Variants in XXYLT1 observed in about 807,000 individuals in gnomAD.
XXYLT1 encodes the protein xyloside xylosyltransferase 1.
A neutral mutation model predicts 28.9 loss-of-function variants in XXYLT1; 20 were observed. That is an observed-to-expected ratio of 0.69 (90% CI 0.49 to 1.00). The LOEUF is 1.00. Among genes scored for constraint, XXYLT1 ranks in the 50% least tolerant of loss-of-function variants. The pLI, the probability that XXYLT1 is intolerant of heterozygous loss-of-function variation, is 0.00. For missense variants in XXYLT1, 542 were observed against 560.1 expected (o/e 0.97, Z 0.33); for synonymous variants, 257 against 253.8 (o/e 1.01, Z -0.12).
intron 3 of XXYLT1, among the ~76,000 whole-genome samples, chr3:195,082,977 T>TA (rs1715521460): frequency 6.6e-6 from 1 of 152,172 alleles, no homozygotes; most frequent in Non-Finnish European, 1.5e-5. Flanking sequence ...GAGATAAAGT[T>TA]GCAAACTTAA....
chr3:195,156,353 A>T, intron 3 of XXYLT1, 96 bp downstream of exon 3: 1 of 1,540,724 alleles, frequency 6.5e-7, no homozygotes, highest in Non-Finnish European at 8.7e-7. Context: ...GAAGGATCGG[A>T]CGCCACTAAA....
chr3:195,218,114 T>C (rs1723655453), intron 2 of XXYLT1, among the ~76,000 whole-genome samples: 2 of 148,526 alleles, frequency 1.3e-5, no homozygotes, highest in African/African-American at 5.2e-5. Context: ...TAGCCATATG[T>C]AGAAAGCTGA....
At chr3:195,159,131 T>TGAGGAAGAATGAGAAA (rs1720746214) in intron 2 of XXYLT1, among the ~76,000 whole-genome samples, 1 of 151,982 alleles carries the variant, frequency 6.6e-6, no homozygotes, top group Admixed American at 6.6e-5. Context: ...CTAAGAATCA[T>TGAGGAAGAATGAGAAA]GAGGAAGAAT....
At chr3:195,236,377 C>T (rs1475580556) in intron 1 of XXYLT1, among the ~76,000 whole-genome samples, 4 of 152,126 alleles carry the variant, frequency 2.6e-5, no homozygotes, top group Non-Finnish European at 4.4e-5. Flanking sequence ...TGTCCAGTAC[C>T]ACCACAGGCC....
chr3:195,110,457 GTGGTGTGTGGGTGAGGTGTGT>G, intron 3 of XXYLT1, among the ~76,000 whole-genome samples: 1 of 144,658 alleles, frequency 6.9e-6, no homozygotes, highest in African/African-American at 2.6e-5. Flanking sequence ...TAAAGTGTGT[GTGGTGTGTGGGTGAGGTGTGT>G]GTGTATGTGG....
At chr3:195,108,843 C>A (rs904003340) in intron 3 of XXYLT1, among the ~76,000 whole-genome samples, 5 of 152,214 alleles carry the variant, frequency 3.3e-5, no homozygotes, top group Non-Finnish European at 7.3e-5. Context: ...CAATTTCACT[C>A]TCCCCCTCCA....
intron 1 of XXYLT1, among the ~76,000 whole-genome samples, chr3:195,243,997 A>T (rs1724893768): frequency 6.6e-6 from 1 of 152,180 alleles, no homozygotes; most frequent in Admixed American, 6.5e-5. Flanking sequence ...CAAAAGTGAC[A>T]GCCCCTCCTC....
intron 1 of XXYLT1, among the ~76,000 whole-genome samples, chr3:195,236,376 C>A (rs1230192122): frequency 6.6e-6 from 1 of 152,138 alleles, no homozygotes; most frequent in African/African-American, 2.4e-5. Context: ...GTGTCCAGTA[C>A]CACCACAGGC....
chr3:195,218,629 C>T (rs1373721313), intron 2 of XXYLT1, among the ~76,000 whole-genome samples: 4 of 152,150 alleles, frequency 2.6e-5, no homozygotes, highest in South Asian at 4.2e-4. Context: ...CATCTCACAC[C>T]GGTTCGAATG....
intron 1 of XXYLT1, among the ~76,000 whole-genome samples, chr3:195,231,989 G>C (rs1724320438): frequency 6.6e-6 from 1 of 152,086 alleles, no homozygotes; most frequent in Non-Finnish European, 1.5e-5. Flanking sequence ...TTAAATGGTA[G>C]AACTTAGCAG....
intron 1 of XXYLT1, among the ~76,000 whole-genome samples, chr3:195,266,653 G>A (rs1324008235): frequency 1.3e-5 from 2 of 152,174 alleles, no homozygotes; most frequent in African/African-American, 4.8e-5. Flanking sequence ...TGCTCCCCAC[G>A]GAAGGTTACC....
rs906047454 is a variant in XXYLT1 at position 195,077,880 on chromosome 3, A to T, written c.786-7769T>A. On this transcript the variant is annotated intron_variant, in intron 3 of 3. Coordinates refer to ENST00000310380, the MANE Select transcript of XXYLT1 (RefSeq NM_152531.5). This position sits in a 1 kb window ranked among gnomAD's most constrained non-coding sequence, Gnocchi z 4.8. The stretch of plus-strand genomic sequence containing the variant: ...TCCTGGCCCTCCGCTCCCCGTGCCC[A>T]GCCTGCCTGGGGTTGTCAGTCACGT... Among the ~76,000 whole-genome samples the T allele has an allele frequency of 6.6e-6, 1 of 152,068 alleles. No individual in the cohort carries two copies. The highest frequency in any genetic ancestry group is 1.5e-5 in the Non-Finnish European group (1 of 67,998).
rs1311620385 is a variant in XXYLT1, at chr3:195,069,613, C to A, written c.*102G>T. On this transcript the variant is annotated 3_prime_UTR_variant, in exon 4 of 4. Transcript: ENST00000310380. ...GCACCTTAATCACAGGACTTCCCTG[C>A]GGTGTCTCTCTAGCGGGTCAGACAC... 9 of 1,465,812 alleles carry A rather than the reference C, an allele frequency of 6.1e-6. No homozygotes were observed. The highest frequency in any genetic ancestry group is 8.2e-6 in the Non-Finnish European group (9 of 1,099,360). The allele number at this position is 1,465,812 out of a possible 1,614,324, so 90.8% of individuals were successfully genotyped here.
At position 195,256,617 on chromosome 3, in the gene XXYLT1, A is replaced by G; in HGVS notation, c.504+13938T>C. The G allele has an allele frequency of 2.9e-5, 28 of 976,512 alleles. No individual in the cohort carries two copies. Among genetic ancestry groups the G allele is most frequent in the Non-Finnish European group, 3.4e-5 (28 of 821,754 alleles). The allele number at this position is 976,512 out of a possible 1,614,324, so 60.5% of individuals were successfully genotyped here. ...GGTCTGGAAAGGGCATGAGCTCTGTAAGCCCCCAGCACTGTTTATACACGC... is the reference window on the plus strand; with the variant it reads ...GGTCTGGAAAGGGCATGAGCTCTGTGAGCCCCCAGCACTGTTTATACACGC... On this transcript the variant is annotated intron_variant, in intron 1 of 3. Coordinates refer to ENST00000310380, the MANE Select transcript of XXYLT1 (RefSeq NM_152531.5). The surrounding 1 kb of genome is among the most constrained non-coding windows in gnomAD (Gnocchi z 4.2).
At chr3:195,110,375 TGTATAA>T (rs1194294671) in intron 3 of XXYLT1, among the ~76,000 whole-genome samples, 3 of 55,082 alleles carry the variant, frequency 5.4e-5, no homozygotes, top group African/African-American at 2.4e-4. Flanking sequence ...GCGTGTGTGC[TGTATAA>T]GTGTGTGTGG....
chr3:195,161,075 T>C (rs921617631), intron 2 of XXYLT1, among the ~76,000 whole-genome samples: 1 of 152,008 alleles, frequency 6.6e-6, no homozygotes, highest in African/African-American at 2.4e-5. Context: ...ACCAGACAAA[T>C]GTTCACCCTC....
At chr3:195,226,570 T>C in intron 2 of XXYLT1, 139 bp downstream of exon 2, 2 of 1,073,638 alleles carry the variant, frequency 1.9e-6, no homozygotes, top group South Asian at 2.0e-5. Flanking sequence ...ACAAAGGGCT[T>C]GGTCTGGCTC....
intron 2 of XXYLT1, among the ~76,000 whole-genome samples, chr3:195,163,140 G>A (rs1050061434): frequency 6.6e-6 from 1 of 152,178 alleles, no homozygotes; most frequent in Non-Finnish European, 1.5e-5. Context: ...GGGAGAAGCT[G>A]TAGAAAGCAA....
At chr3:195,241,199 C>G (rs1034033675) in intron 1 of XXYLT1, among the ~76,000 whole-genome samples, 1 of 152,176 alleles carries the variant, frequency 6.6e-6, no homozygotes, top group Non-Finnish European at 1.5e-5. Flanking sequence ...GAAGCAAGGG[C>G]AGGTGCCCTG....
Sources: allele counts gnomAD v4.1 joint callset (sites outside exome capture counted in the v4.1 genomes callset), GRCh38; gene constraint gnomAD v4.1.1; non-coding constraint Gnocchi (gnomAD v3.1); transcripts MANE v1.5; gene names NCBI Gene and HGNC (gene_info 2026-07-23, HGNC 2026-07-21).